Variants in DPP10 observed in about 807,000 individuals in gnomAD.
DPP10 encodes the protein dipeptidyl peptidase like 10.
A neutral mutation model predicts 120.9 loss-of-function variants in DPP10; 33 were observed. That is an observed-to-expected ratio of 0.27 (90% confidence interval 0.21 to 0.37). DPP10 has a LOEUF of 0.37. Ranked by LOEUF, DPP10 falls within the 10% of genes least tolerant of loss-of-function variation. The probability of loss-of-function intolerance (pLI) is 1.00; values close to 1 mark genes in which losing one functional copy is unlikely to be tolerated. For synonymous variants in DPP10, 337 were observed against 326.1 expected, an observed-to-expected ratio of 1.03 and a Z score of -0.36; for missense variants, 816 against 942.8, an observed-to-expected ratio of 0.87 and a Z score of 1.76.
chr2:115,173,318 T>G (rs2053484617), intron 1 of DPP10, among the ~76,000 whole-genome samples: 1 of 152,178 alleles, frequency 6.6e-6, no homozygotes. Context: ...ACATTGCTTA[T>G]TGGTCACACA....
intron 4 of DPP10, among the ~76,000 whole-genome samples, chr2:115,507,089 A>G (rs1410067642): frequency 1.3e-5 from 2 of 151,828 alleles, no homozygotes; most frequent in African/African-American, 2.4e-5. Flanking sequence ...AGCAGCACCT[A>G]TTATTATGAA....
intron 1 of DPP10, among the ~76,000 whole-genome samples, chr2:114,509,067 A>G (rs1683922210): frequency 6.6e-6 from 1 of 152,104 alleles, no homozygotes. Context: ...CAGATAAGCA[A>G]TGAAATCCAG....
intron 1 of DPP10, among the ~76,000 whole-genome samples, chr2:114,486,531 A>C (rs928728890): frequency 6.6e-6 from 1 of 152,104 alleles, no homozygotes; most frequent in African/African-American, 2.4e-5. Context: ...ATCCCTTTTA[A>C]TTCTTTATTA....
chr2:115,485,012 A>G (rs2075682863), intron 3 of DPP10, among the ~76,000 whole-genome samples: 1 of 152,138 alleles, frequency 6.6e-6, no homozygotes, highest in Admixed American at 6.5e-5. Flanking sequence ...CAGAGGTTGC[A>G]GTGAGCTGAG....
In DPP10 at chr2:115,735,130, G is replaced by A. The variant is rs187283340; in HGVS notation, c.698-4609G>A. ...CCCACTTCCTCCCTTCATTTGATTCGCCAGGGTTTCATAGTGGTCATACCC... is the reference window on the plus strand; with the variant it reads ...CCCACTTCCTCCCTTCATTTGATTCACCAGGGTTTCATAGTGGTCATACCC... On this transcript the variant is annotated intron_variant, in intron 8 of 25. Coordinates refer to ENST00000410059, the MANE Select transcript of DPP10 (RefSeq NM_020868.6). Among the ~76,000 whole-genome samples, 92 of 152,178 alleles carry A rather than the reference G, an allele frequency of 6.0e-4. 1 individual carries two copies. In the East Asian group the frequency reaches 0.012, roughly 19 times the overall value.
At chr2:114,841,875 A>G (rs970384384) in intron 1 of DPP10, among the ~76,000 whole-genome samples, 1 of 152,080 alleles carries the variant, frequency 6.6e-6, no homozygotes, top group Non-Finnish European at 1.5e-5. Flanking sequence ...CCCGGCACTC[A>G]TGCTGGGTCA....
At chr2:115,752,282 T>A (rs935813175) in intron 10 of DPP10, among the ~76,000 whole-genome samples, 1 of 152,192 alleles carries the variant, frequency 6.6e-6, no homozygotes, top group African/African-American at 2.4e-5. Context: ...GAAGTTTTTT[T>A]AAGTTTTTAT....
At chr2:115,113,761 A>G (rs2049354640) in intron 1 of DPP10, among the ~76,000 whole-genome samples, 1 of 152,184 alleles carries the variant, frequency 6.6e-6, no homozygotes, top group African/African-American at 2.4e-5. Context: ...GGCTGCTCAA[A>G]ACTGGAGTTT....
At chr2:114,547,250 C>T (rs901114551) in intron 1 of DPP10, among the ~76,000 whole-genome samples, 1 of 152,218 alleles carries the variant, frequency 6.6e-6, no homozygotes. Context: ...TTCTCACCTC[C>T]TGCTACTTCC....
intron 5 of DPP10, among the ~76,000 whole-genome samples, chr2:115,677,341 C>G (rs1248093237): frequency 2.6e-5 from 4 of 151,774 alleles, no homozygotes; most frequent in Non-Finnish European, 4.4e-5. Context: ...CAAAGATAAG[C>G]AATAAGAGAG....
At chr2:114,712,095 G>A (rs940232616) in intron 1 of DPP10, among the ~76,000 whole-genome samples, 17 of 152,044 alleles carry the variant, frequency 1.1e-4, no homozygotes, top group African/African-American at 2.4e-4. Context: ...CAAGGTGGGC[G>A]GATCACCTGA....
chr2:114,538,860 AAG>A (rs1294813591), intron 1 of DPP10, among the ~76,000 whole-genome samples: 1 of 152,118 alleles, frequency 6.6e-6, no homozygotes, highest in African/African-American at 2.4e-5. Context: ...GCTGGGGCAA[AAG>A]AAGAGAATTC....
chr2:114,957,394 A>G (rs1698292693), intron 1 of DPP10, among the ~76,000 whole-genome samples: 1 of 152,180 alleles, frequency 6.6e-6, no homozygotes, highest in African/African-American at 2.4e-5. Flanking sequence ...TCAAAACCGC[A>G]ATGAGATATC....
intron 1 of DPP10, among the ~76,000 whole-genome samples, chr2:115,056,238 G>C (rs1314829296): frequency 6.6e-6 from 1 of 152,108 alleles, no homozygotes; most frequent in Admixed American, 6.5e-5. Context: ...ATATATATGA[G>C]TCAAGGATAC....
intron 1 of DPP10, among the ~76,000 whole-genome samples, chr2:114,522,307 C>CA (rs1056989815): frequency 1.3e-5 from 2 of 152,096 alleles, no homozygotes; most frequent in African/African-American, 4.8e-5. Flanking sequence ...TATACCCAGT[C>CA]AAGCTGTTCT....
At chr2:115,713,142 A>T (rs75639737) in intron 7 of DPP10, among the ~76,000 whole-genome samples, 12,931 of 152,140 alleles carry the variant, frequency 0.085, 681 homozygotes, top group Non-Finnish European at 0.11. Flanking sequence ...AAAAAAAATT[A>T]AAAAAATAAT....
At chr2:114,478,377 C>T (rs1194497665) in intron 1 of DPP10, among the ~76,000 whole-genome samples, 2 of 151,906 alleles carry the variant, frequency 1.3e-5, no homozygotes, top group African/African-American at 4.8e-5. Context: ...TTATTTACTG[C>T]AAACATGCAC....
chr2:114,585,260 C>T (rs1239366752), intron 1 of DPP10, among the ~76,000 whole-genome samples: 2 of 152,098 alleles, frequency 1.3e-5, no homozygotes, highest in Non-Finnish European at 2.9e-5. Context: ...ACTGAGGTTG[C>T]CAGTTCCTTA....
intron 1 of DPP10, among the ~76,000 whole-genome samples, chr2:114,935,560 G>T (rs1696399470): frequency 6.6e-6 from 1 of 152,148 alleles, no homozygotes; most frequent in African/African-American, 2.4e-5. Flanking sequence ...GTCATTTAAA[G>T]GTGAATCATT....
Sources: gnomAD v4.1 joint callset for allele counts (sites outside exome capture counted in the v4.1 genomes callset) on GRCh38, gnomAD v4.1.1 for gene constraint, MANE v1.5 for transcripts, NCBI Gene and HGNC (gene_info 2026-07-23, HGNC 2026-07-21) for gene names.